CD163: variants seen among roughly 807,000 people sequenced by gnomAD.
CD163 encodes scavenger receptor cysteine-rich type 1 protein M130.
A neutral mutation model predicts 129.2 loss-of-function variants in CD163; 64 were observed. That is an observed-to-expected ratio of 0.50 (90% confidence interval 0.41 to 0.61). The LOEUF (loss-of-function observed/expected upper bound fraction) is 0.61, where lower values mean the gene tolerates loss of function less well. Ranked by LOEUF, CD163 falls within the 20% of genes least tolerant of loss-of-function variation. The pLI, the probability that CD163 is intolerant of heterozygous loss-of-function variation, is 0.00. For missense variants in CD163, 1,061 were observed against 1,377.9 expected, an observed-to-expected ratio of 0.77 and a Z score of 3.64; for synonymous variants, 446 against 478.5, an observed-to-expected ratio of 0.93 and a Z score of 0.89.
In CD163 at chr12:7,487,831, T is replaced by C. The variant is rs1247572348; in HGVS notation, c.1677A>G (p.Val559=). 1 of 1,614,168 alleles carries C rather than the reference T, an allele frequency of 6.2e-7. No individual in the cohort carries two copies. The highest frequency in any genetic ancestry group is 8.5e-7 in the Non-Finnish European group (1 of 1,180,016). ...GHESHLSLCP[V]APRPEGTCSH... ...TACAAGTTCCTTCTGGGCGGGGTGC[T>C]ACTGGGCAGAGTGAAAGATGGGACT... is the stretch of plus-strand genomic sequence containing the variant. The change falls in exon 7 of 17, where the codon GTA becomes GTG. Residue 559 remains valine (V), a synonymous_variant. Coordinates refer to ENST00000432237, the MANE Select transcript of CD163 (RefSeq NM_203416.4). This position sits in a 1 kb window ranked among gnomAD's most constrained non-coding sequence, Gnocchi z 5.1.
Position 7,479,924 on chromosome 12 carries a change from C to T in CD163, c.3344-11G>A, listed in dbSNP as rs200796745. On this transcript the variant is annotated splice_polypyrimidine_tract_variant and intron_variant, in intron 15 of 16. Coordinates refer to ENST00000432237, the MANE Select transcript of CD163 (RefSeq NM_203416.4). ...GCTCAGAATGGCCTCCTTTTCCATT[C>T]CAGAAATAGGAAGAAATTTAGACAC... The T allele has an allele frequency of 2.4e-5, 38 of 1,612,704 alleles. No individual in the cohort carries two copies. Among genetic ancestry groups the T allele is most frequent in the Admixed American group, 5.0e-5 (3 of 59,912 alleles).
In CD163 at chr12:7,479,867, G is replaced by C. The variant is rs758272020; in HGVS notation, c.*24C>G. Reference sequence around the variant, plus strand: ...TAAATTCTCATCACTCACCTCACTGGGTTATAAATTCCCATTTTCCTTTTC... The same window carrying C: ...TAAATTCTCATCACTCACCTCACTGCGTTATAAATTCCCATTTTCCTTTTC... On this transcript the variant is annotated 3_prime_UTR_variant, in exon 16 of 17. Coordinates refer to ENST00000432237, the MANE Select transcript of CD163 (RefSeq NM_203416.4). The C allele has an allele frequency of 6.2e-7, 1 of 1,611,962 alleles. No homozygotes were observed. The highest frequency in any genetic ancestry group is 1.1e-5 in the South Asian group (1 of 90,748).
chr12:7,491,166 C>A (rs910416784), intron 6 of CD163, among the ~76,000 whole-genome samples: 2 of 151,978 alleles, frequency 1.3e-5, no homozygotes, highest in African/African-American at 4.8e-5. Context: ...AAAATATTTT[C>A]TTTTCCATTG....
intron 6 of CD163, among the ~76,000 whole-genome samples, chr12:7,494,150 C>T (rs1949366188): frequency 6.6e-6 from 1 of 152,158 alleles, no homozygotes; most frequent in African/African-American, 2.4e-5. Flanking sequence ...ATTCCAACCA[C>T]ATAAGTTGTC....
chr12:7,489,930 T>C (rs1048140476), intron 6 of CD163, among the ~76,000 whole-genome samples: 1 of 152,076 alleles, frequency 6.6e-6, no homozygotes, highest in Non-Finnish European at 1.5e-5. Flanking sequence ...CATGCCGTAA[T>C]TTTCATGCTT....
intron 3 of CD163, among the ~76,000 whole-genome samples, chr12:7,499,481 T>G (rs1276586215): frequency 6.6e-6 from 1 of 152,226 alleles, no homozygotes; most frequent in Non-Finnish European, 1.5e-5. Flanking sequence ...TACTCTTTTT[T>G]GTACAGAAAT....
At position 7,482,500 on chromosome 12, in the gene CD163, G is replaced by T. The variant is rs1199586719; in HGVS notation, c.3247+143C>A. ...ATTACAAGTGTGAGCCACTGTGCCT[G>T]GCCCTTCCCTCTGTTTTGAGAAACT... is the stretch of plus-strand genomic sequence containing the variant. On this transcript the variant is annotated intron_variant, in intron 14 of 16. Coordinates refer to ENST00000432237, the MANE Select transcript of CD163 (RefSeq NM_203416.4). 3 of 859,064 alleles carry T rather than the reference G, an allele frequency of 3.5e-6. No homozygotes were observed. In the African/African-American group the frequency reaches 5.1e-5, roughly 15 times the overall value. 53.2% of individuals were successfully genotyped at this position (859,064 alleles called of 1,614,324 possible). A position where few individuals can be genotyped will look rare whatever the true frequency, so the allele number is the denominator to read the frequency against.
chr12:7,487,096 G>T lies in CD163; in HGVS notation c.2051-110C>A. 1.1e-6 allele frequency: 1 copy of T among 869,816 alleles called. No homozygotes were observed. The allele number at this position is 869,816 out of a possible 1,614,324, so 53.9% of individuals were successfully genotyped here. Reference sequence around the variant, plus strand: ...AACATAGCTTAGAGAGAGAGGGGAAGGTGGATGGTCAACAAGTTTGAAATA... The same window carrying T: ...AACATAGCTTAGAGAGAGAGGGGAATGTGGATGGTCAACAAGTTTGAAATA... On this transcript the variant is annotated intron_variant, in intron 8 of 16. Transcript: ENST00000432237. This position sits in a 1 kb window ranked among gnomAD's most constrained non-coding sequence, Gnocchi z 5.1.
At chr12:7,498,821 CT>C in intron 4 of CD163, 46 bp downstream of exon 4, 2 of 1,536,624 alleles carry the variant, frequency 1.3e-6, no homozygotes, top group Non-Finnish European at 1.8e-6. Context: ...TTACCCCTTT[CT>C]TTTGTCCTCT....
chr12:7,493,853 A>T (rs1376881122), intron 6 of CD163, among the ~76,000 whole-genome samples: 1 of 152,162 alleles, frequency 6.6e-6, no homozygotes, highest in Non-Finnish European at 1.5e-5. Context: ...TTAAAAAAAA[A>T]TTTAGGTAAA....
intron 6 of CD163, among the ~76,000 whole-genome samples, chr12:7,491,964 G>C (rs1256445523): frequency 6.6e-6 from 1 of 152,062 alleles, no homozygotes; most frequent in Non-Finnish European, 1.5e-5. Context: ...CTTTTAAGCT[G>C]TATAGCCCTG....
At position 7,487,988 on chromosome 12, in the gene CD163, A is replaced by C; in HGVS notation, c.1520T>G (p.Phe507Cys). Residue 507 changes from phenylalanine to cysteine, a missense_variant, in exon 7 of 17, where the codon TTC (phenylalanine) becomes TGC (cysteine). Physicochemically the swap from Phe to Cys is radical, Grantham distance 205. Coordinates refer to ENST00000432237, the MANE Select transcript of CD163 (RefSeq NM_203416.4). This position sits in a 1 kb window ranked among gnomAD's most constrained non-coding sequence, Gnocchi z 5.1. The part of the protein sequence containing the change: ...DTWGSICDSD[F>C]SLEAASVLCR... ...TAGAACGCTGGCAGCTTCCAGAGAG[A>C]AGTCCGAATCACAGATGGAGCCCCA... The C allele has an allele frequency of 1.2e-6, 2 of 1,614,140 alleles. No individual in the cohort carries two copies. The highest frequency in any genetic ancestry group is 1.6e-4 in the Middle Eastern group (1 of 6,062).
At chr12:7,472,914 A>C (rs1949026235) in intron 16 of CD163, among the ~76,000 whole-genome samples, 1 of 152,218 alleles carries the variant, frequency 6.6e-6, no homozygotes, top group South Asian at 2.1e-4. Context: ...CAGCATGAGA[A>C]CTTCGTGAAG....
chr12:7,486,996 C>T lies in CD163; in HGVS notation c.2051-10G>A. 2 of 1,608,308 alleles carry T rather than the reference C, an allele frequency of 1.2e-6. No individual in the cohort carries two copies. Among genetic ancestry groups the T allele is most frequent in the Non-Finnish European group, 1.7e-6 (2 of 1,175,204 alleles). ...GTTTGGGACTGGTTTCCTGCAAACA[C>T]CAAGGTACTCAGTCATACAAGACAC... On this transcript the variant is annotated splice_polypyrimidine_tract_variant and intron_variant, in intron 8 of 16. Transcript: ENST00000432237.
rs975931931 is a variant in CD163 at position 7,483,352 on chromosome 12, G to C, written c.3088+15C>G. 6.2e-6 allele frequency: 10 copies of C among 1,600,146 alleles called. No homozygotes were observed. The African/African-American group carries it at 1.2e-4, about 19-fold the overall frequency. On this transcript the variant is annotated intron_variant, in intron 12 of 16. Transcript: ENST00000432237. ...GCCAGAGATTCCAAGCTCAATCCAG[G>C]CTTCTGGCACTTACCTGTGCAATTC... is the stretch of plus-strand genomic sequence containing the variant.
chr12:7,479,767 A>G, intron 16 of CD163, 93 bp downstream of exon 16: 2 of 1,306,410 alleles, frequency 1.5e-6, no homozygotes, highest in Non-Finnish European at 2.1e-6. Context: ...ATATGTTTAT[A>G]TACATTCTTT....
rs1026783217 is a variant in CD163, at chr12:7,485,733, C to T, written c.2459-317G>A. Among the ~76,000 whole-genome samples the T allele has an allele frequency of 6.6e-6, 1 of 151,800 alleles. No individual in the cohort carries two copies. The highest frequency in any genetic ancestry group is 1.5e-5 in the Non-Finnish European group (1 of 67,956). On this transcript the variant is annotated intron_variant, in intron 10 of 16. Coordinates refer to ENST00000432237, the MANE Select transcript of CD163 (RefSeq NM_203416.4). This position sits in a 1 kb window ranked among gnomAD's most constrained non-coding sequence, Gnocchi z 4.5. ...TCCCAAAAATATTCTCCTTTTTTTG[C>T]AACTGTCTTTGATAGTTAAAATTGT...
chr12:7,498,865 T>C lies in CD163; in HGVS notation c.778+3A>G, dbSNP rs1949438684. 1 of 1,612,458 alleles carries C rather than the reference T, an allele frequency of 6.2e-7. No homozygotes were observed. Among genetic ancestry groups the C allele is most frequent in the African/African-American group, 1.3e-5 (1 of 75,028 alleles). Reference sequence around the variant, plus strand: ...AATAGAATGAGCCAAGATCAGTCCTTACTTGAGCAAATCACTCCAGCATCC... The same window carrying C: ...AATAGAATGAGCCAAGATCAGTCCTCACTTGAGCAAATCACTCCAGCATCC... On this transcript the variant is annotated splice_donor_region_variant and intron_variant, in intron 4 of 16. Coordinates refer to ENST00000432237, the MANE Select transcript of CD163 (RefSeq NM_203416.4).
At chr12:7,477,131 G>A (rs931135840) in intron 16 of CD163, among the ~76,000 whole-genome samples, 1 of 152,068 alleles carries the variant, frequency 6.6e-6, no homozygotes, top group African/African-American at 2.4e-5. Flanking sequence ...TGCTTTTACA[G>A]TGTTGGTGGG....
Sources: allele counts gnomAD v4.1 joint callset (sites outside exome capture counted in the v4.1 genomes callset), GRCh38; gene constraint gnomAD v4.1.1; non-coding constraint Gnocchi (gnomAD v3.1); transcripts MANE v1.5; gene names NCBI Gene and HGNC (gene_info 2026-07-23, HGNC 2026-07-21).